The following MICU1 variants were observed in gnomAD, a reference collection of about 807,000 sequenced individuals.
The protein encoded by MICU1 is mitochondrial calcium uptake 1, also known as calcium uptake protein 1, mitochondrial.
MICU1 carries 45 observed loss-of-function variants against 56.8 expected under a neutral mutation model. That is an observed-to-expected ratio of 0.79 (90% confidence interval 0.62 to 1.02). MICU1 has a LOEUF of 1.02. MICU1 is among the 50% of genes least tolerant of loss of function. The pLI is 0.00. For synonymous variants in MICU1, 186 were observed against 195.1 expected (o/e 0.95, Z 0.39); for missense variants, 504 against 587.1 (o/e 0.86, Z 1.46).
chr10:72,437,632 T>A (rs896788541), intron 8 of MICU1, among the ~76,000 whole-genome samples: 2 of 152,070 alleles, frequency 1.3e-5, no homozygotes, highest in African/African-American at 4.8e-5. Flanking sequence ...GACGCACCAG[T>A]GTGCTGTATT....
In MICU1 at chr10:72,495,418, G is replaced by A. The variant is rs180800592; in HGVS notation, c.652+12737C>T. Among the ~76,000 whole-genome samples the A allele has an allele frequency of 2.6e-3, 390 of 152,266 alleles. 1 individual carries two copies. The highest frequency in any genetic ancestry group is 8.8e-3 in the African/African-American group (367 of 41,548). On this transcript the variant is annotated intron_variant, in intron 6 of 11. Coordinates refer to ENST00000361114, the MANE Select transcript of MICU1 (RefSeq NM_001195518.2). ...CGCCTGTAATCCCAGCACTTTGGGA[G>A]CCCAAGGCGGATGGATCACCTGAAG...
intron 9 of MICU1, among the ~76,000 whole-genome samples, chr10:72,415,555 AG>A (rs1490676096): frequency 6.6e-5 from 10 of 152,186 alleles, no homozygotes; most frequent in African/African-American, 2.4e-4. Context: ...ACATTTCCAC[AG>A]GTATCTAATC....
chr10:72,565,299 C>T (rs1253900764), intron 2 of MICU1, among the ~76,000 whole-genome samples: 1 of 151,968 alleles, frequency 6.6e-6, no homozygotes, highest in African/African-American at 2.4e-5. Flanking sequence ...CCATGGAATA[C>T]TATGCAGCCA....
chr10:72,397,729 C>T (rs1363757837), intron 10 of MICU1, among the ~76,000 whole-genome samples: 1 of 152,112 alleles, frequency 6.6e-6, no homozygotes, highest in Non-Finnish European at 1.5e-5. Flanking sequence ...ACAAGAAGAG[C>T]TAACTATCCT....
At chr10:72,505,486 G>A (rs764663174) in intron 6 of MICU1, among the ~76,000 whole-genome samples, 12 of 151,998 alleles carry the variant, frequency 7.9e-5, no homozygotes, top group Non-Finnish European at 1.8e-4. Context: ...AAAATAAATC[G>A]TTCTACCAAA....
chr10:72,388,190 G>T (rs888997220), intron 10 of MICU1, among the ~76,000 whole-genome samples: 9 of 152,220 alleles, frequency 5.9e-5, no homozygotes, highest in African/African-American at 2.2e-4. Flanking sequence ...ATCTAAAAGT[G>T]CAACAGAGCA....
intron 6 of MICU1, among the ~76,000 whole-genome samples, chr10:72,494,101 G>A (rs1271565223): frequency 6.6e-6 from 1 of 152,114 alleles, no homozygotes; most frequent in Non-Finnish European, 1.5e-5. Context: ...TCTGGGAGTG[G>A]TCTAAGCTTA....
chr10:72,403,693 T>G (rs1386774972), intron 10 of MICU1, among the ~76,000 whole-genome samples: 1 of 151,294 alleles, frequency 6.6e-6, no homozygotes, highest in Admixed American at 6.6e-5. Flanking sequence ...TCTCGCTCTG[T>G]TGCCCAGGCT....
At chr10:72,431,577 T>C (rs1204511097) in intron 8 of MICU1, among the ~76,000 whole-genome samples, 1 of 152,158 alleles carries the variant, frequency 6.6e-6, no homozygotes, top group African/African-American at 2.4e-5. Context: ...AGGGTATATA[T>C]CTGGAAGTGG....
chr10:72,485,651 A>T (rs1866445875), intron 6 of MICU1, among the ~76,000 whole-genome samples: 1 of 152,056 alleles, frequency 6.6e-6, no homozygotes, highest in Admixed American at 6.6e-5. Context: ...ACTCTTAGCT[A>T]TTATACCAAA....
intron 10 of MICU1, among the ~76,000 whole-genome samples, chr10:72,386,368 G>A (rs1862887827): frequency 6.6e-6 from 1 of 152,050 alleles, no homozygotes; most frequent in South Asian, 2.1e-4. Flanking sequence ...TTTTAGTAGA[G>A]ACGGGGTTTC....
chr10:72,381,015 C>T (rs1862684665), intron 10 of MICU1, among the ~76,000 whole-genome samples: 1 of 152,170 alleles, frequency 6.6e-6, no homozygotes, highest in South Asian at 2.1e-4. Context: ...ATTTTAGGGA[C>T]AACTTAAAAA....
intron 3 of MICU1, among the ~76,000 whole-genome samples, chr10:72,552,370 T>G (rs1840055717): frequency 6.6e-6 from 1 of 152,056 alleles, no homozygotes; most frequent in African/African-American, 2.4e-5. Context: ...CACATAATAT[T>G]TTAGTGAAAA....
intron 4 of MICU1, among the ~76,000 whole-genome samples, chr10:72,534,260 AC>A (rs1378653924): frequency 1.3e-5 from 2 of 151,864 alleles, no homozygotes; most frequent in African/African-American, 4.8e-5. Flanking sequence ...TCTTAACATT[AC>A]CTTTTAAAAT....
intron 9 of MICU1, among the ~76,000 whole-genome samples, chr10:72,420,021 C>A (rs749580321): frequency 4.6e-5 from 7 of 152,138 alleles, no homozygotes; most frequent in Non-Finnish European, 1.0e-4. Flanking sequence ...AGTTCCCCTG[C>A]ACATGCTCTC....
At chr10:72,407,300 A>G (rs1011967558) in intron 10 of MICU1, among the ~76,000 whole-genome samples, 4 of 152,242 alleles carry the variant, frequency 2.6e-5, no homozygotes, top group African/African-American at 9.6e-5. Context: ...TCATACGATC[A>G]AGCAAATATA....
At chr10:72,465,036 T>C (rs949066827) in intron 8 of MICU1, among the ~76,000 whole-genome samples, 3 of 152,228 alleles carry the variant, frequency 2.0e-5, no homozygotes, top group African/African-American at 7.2e-5. Context: ...AGTCTTGCTC[T>C]GTCGCCCAGG....
intron 3 of MICU1, among the ~76,000 whole-genome samples, chr10:72,552,178 T>C (rs1589333724): frequency 6.6e-6 from 1 of 152,330 alleles, no homozygotes; most frequent in East Asian, 1.9e-4. Context: ...TAGAGATCCT[T>C]TACGTATGGC....
chr10:72,436,461 C>A (rs1864725111), intron 8 of MICU1, among the ~76,000 whole-genome samples: 2 of 152,126 alleles, frequency 1.3e-5, no homozygotes, highest in African/African-American at 4.8e-5. Flanking sequence ...TGGGGAGAAA[C>A]CAGAGCAGAA....
Sources: allele counts gnomAD v4.1 joint callset (sites outside exome capture counted in the v4.1 genomes callset), GRCh38; gene constraint gnomAD v4.1.1; transcripts MANE v1.5; gene names NCBI Gene and HGNC (gene_info 2026-07-23, HGNC 2026-07-21).